WWOX: variants seen among roughly 807,000 people sequenced by gnomAD.
WWOX encodes WW domain-containing oxidoreductase.
Under a neutral mutation model 46.2 loss-of-function variants are expected in WWOX, and 69 were observed. That is an observed-to-expected ratio of 1.49 (90% CI 1.23 to 1.82). WWOX has a LOEUF of 1.82. WWOX is among the 40% of genes most tolerant of loss of function. The pLI, the probability that WWOX is intolerant of heterozygous loss-of-function variation, is 0.00. For missense variants in WWOX, 919 were observed against 542.6 expected (o/e 1.69, Z -6.89); for synonymous variants, 359 against 202.6 (o/e 1.77, Z -6.56).
rs754286316 is a variant in WWOX at position 79,211,592 on chromosome 16, C to G, written c.1057-16C>G. ...TTTCTTAAAATTTTTTTTTGTCTTT[C>G]TTCTTGGATTTCCAGCAACAGGGAG... On this transcript the variant is annotated splice_polypyrimidine_tract_variant and intron_variant, in intron 8 of 8. Coordinates refer to ENST00000566780, the MANE Select transcript of WWOX (RefSeq NM_016373.4). The G allele has an allele frequency of 6.2e-7, 1 of 1,613,936 alleles. No homozygotes were observed. The highest frequency in any genetic ancestry group is 1.3e-5 in the African/African-American group (1 of 74,994).
intron 8 of WWOX, among the ~76,000 whole-genome samples, chr16:78,792,757 A>T (rs951535106): frequency 2.0e-5 from 3 of 152,134 alleles, no homozygotes; most frequent in Non-Finnish European, 2.9e-5. Context: ...CAAAGCAAAG[A>T]GTGGTTCAGG....
At chr16:78,959,339 G>T (rs1028547998) in intron 8 of WWOX, among the ~76,000 whole-genome samples, 1 of 152,220 alleles carries the variant, frequency 6.6e-6, no homozygotes. Flanking sequence ...GCCAAGTGCT[G>T]TGCTTGGCCC....
chr16:78,993,327 C>G, intron 8 of WWOX, among the ~76,000 whole-genome samples: 1 of 152,210 alleles, frequency 6.6e-6, no homozygotes, highest in East Asian at 1.9e-4. Context: ...AAGGGAATCT[C>G]AGATGTTTTA....
chr16:78,392,069 G>A (rs1182087749), intron 6 of WWOX, among the ~76,000 whole-genome samples: 4 of 151,686 alleles, frequency 2.6e-5, no homozygotes, highest in African/African-American at 9.7e-5. Context: ...TCTAGAGCAG[G>A]GGTCCATGAC....
intron 5 of WWOX, among the ~76,000 whole-genome samples, chr16:78,342,241 C>T (rs112488940): frequency 0.022 from 2,637 of 121,236 alleles, 656 homozygotes; most frequent in African/African-American, 0.071. Context: ...TCAGCTGCTA[C>T]GACAAACAAC....
intron 8 of WWOX, among the ~76,000 whole-genome samples, chr16:78,878,444 G>A (rs2044276619): frequency 6.6e-6 from 1 of 152,146 alleles, no homozygotes; most frequent in Admixed American, 6.5e-5. Flanking sequence ...AAATGAGGAT[G>A]ATTGATAATC....
intron 6 of WWOX, among the ~76,000 whole-genome samples, chr16:78,388,001 T>A (rs1007563753): frequency 6.6e-6 from 1 of 152,046 alleles, no homozygotes; most frequent in African/African-American, 2.4e-5. Context: ...AAACCAGATA[T>A]TCAAATGGCC....
intron 8 of WWOX, among the ~76,000 whole-genome samples, chr16:78,486,955 A>T (rs941193424): frequency 2.0e-5 from 3 of 152,184 alleles, no homozygotes; most frequent in African/African-American, 7.2e-5. Flanking sequence ...CTAACAGGGC[A>T]TCCCTGCACA....
At chr16:78,662,418 T>C (rs992527545) in intron 8 of WWOX, among the ~76,000 whole-genome samples, 1 of 152,086 alleles carries the variant, frequency 6.6e-6, no homozygotes, top group Non-Finnish European at 1.5e-5. Flanking sequence ...GAGAGAATTT[T>C]CTAGCTTTAT....
intron 5 of WWOX, among the ~76,000 whole-genome samples, chr16:78,248,694 C>G (rs1195538281): frequency 6.6e-6 from 1 of 151,986 alleles, no homozygotes; most frequent in Non-Finnish European, 1.5e-5. Context: ...TGAGATCGCA[C>G]CACTGTACTC....
chr16:78,450,510 C>G (rs555348195), intron 8 of WWOX, among the ~76,000 whole-genome samples: 1 of 151,844 alleles, frequency 6.6e-6, no homozygotes, highest in East Asian at 1.9e-4. Flanking sequence ...GTATATTTGC[C>G]GGATCCAAAA....
intron 8 of WWOX, among the ~76,000 whole-genome samples, chr16:78,475,182 T>C (rs16947641): frequency 0.052 from 7,879 of 152,264 alleles, 474 homozygotes; most frequent in African/African-American, 0.14. Context: ...AGGATATGTC[T>C]AGAGTTCTGC....
At position 78,971,646 on chromosome 16, in the gene WWOX, C is replaced by G. The variant is rs914247381; in HGVS notation, c.1057-239962C>G. On this transcript the variant is annotated intron_variant, in intron 8 of 8. Transcript: ENST00000566780. ...TGGACCAAATCTATTGTTACAATATCCCTTATATTCCTTAGGGTTCCTTTT... is the reference window on the plus strand; with the variant it reads ...TGGACCAAATCTATTGTTACAATATGCCTTATATTCCTTAGGGTTCCTTTT... Among the ~76,000 whole-genome samples the G allele has an allele frequency of 2.0e-4, 30 of 151,988 alleles. 1 individual carries two copies. The Middle Eastern group carries it at 0.01, about 52-fold the overall frequency.
intron 8 of WWOX, among the ~76,000 whole-genome samples, chr16:78,621,117 T>A (rs903203246): frequency 6.6e-6 from 1 of 152,194 alleles, no homozygotes; most frequent in African/African-American, 2.4e-5. Flanking sequence ...TTGAAAATGC[T>A]GGGTTTTAAT....
At chr16:78,660,750 A>G (rs893694410) in intron 8 of WWOX, among the ~76,000 whole-genome samples, 7 of 152,188 alleles carry the variant, frequency 4.6e-5, no homozygotes, top group African/African-American at 1.7e-4. Flanking sequence ...AAAGTTTGTT[A>G]TGGATTCTTC....
intron 4 of WWOX, among the ~76,000 whole-genome samples, chr16:78,117,788 C>G (rs957193401): frequency 6.6e-6 from 1 of 152,148 alleles, no homozygotes; most frequent in Non-Finnish European, 1.5e-5. Context: ...GAGTCATATT[C>G]TATCTAAGCT....
chr16:79,112,506 G>A (rs1031569137), intron 8 of WWOX, among the ~76,000 whole-genome samples: 18 of 152,020 alleles, frequency 1.2e-4, no homozygotes, highest in Admixed American at 2.0e-4. Flanking sequence ...CCCACCCTGC[G>A]AGTTCTTCAA....
At chr16:78,601,746 T>C (rs938272144) in intron 8 of WWOX, among the ~76,000 whole-genome samples, 1 of 152,156 alleles carries the variant, frequency 6.6e-6, no homozygotes, top group African/African-American at 2.4e-5. Context: ...AGGATTAAGT[T>C]AGGGAGACAG....
At chr16:78,838,153 A>C (rs775635315) in intron 8 of WWOX, among the ~76,000 whole-genome samples, 19 of 152,160 alleles carry the variant, frequency 1.2e-4, no homozygotes, top group Non-Finnish European at 2.4e-4. Context: ...GGCTGCATGC[A>C]CATTGGAAGG....
Sources: allele counts gnomAD v4.1 joint callset (sites outside exome capture counted in the v4.1 genomes callset), GRCh38; gene constraint gnomAD v4.1.1; transcripts MANE v1.5; gene names NCBI Gene and HGNC (gene_info 2026-07-23, HGNC 2026-07-21).